The following GLYCTK variants were observed in gnomAD, a reference collection of about 807,000 sequenced individuals.
The protein encoded by GLYCTK is HBeAg binding protein 4.
Under a neutral mutation model 24.8 loss-of-function variants are expected in GLYCTK, and 22 were observed. The ratio of observed to expected loss-of-function variants is 0.89; its 90% CI spans 0.63 to 1.27. GLYCTK has a LOEUF of 1.27. GLYCTK is among the 50% of genes most tolerant of loss of function. The pLI, the probability that GLYCTK is intolerant of heterozygous loss-of-function variation, is 0.00. For missense variants in GLYCTK, 684 were observed against 686.7 expected, an observed-to-expected ratio of 1.00 and a Z score of 0.04; for synonymous variants, 320 against 297.2, an observed-to-expected ratio of 1.08 and a Z score of -0.79.
At chr3:52,291,663 T>C (rs1700473271) in intron 3 of GLYCTK, 84 bp from the exon 4 acceptor site, 1 of 1,332,636 alleles carries the variant, frequency 7.5e-7, no homozygotes. Context: ...GCCCCCTTTT[T>C]CTAATGTGGG....
At position 52,294,144 on chromosome 3, in the gene GLYCTK, G is replaced by C. The variant is rs1490872529; in HGVS notation, c.*1018G>C. 1 of 531,370 alleles carries C rather than the reference G, an allele frequency of 1.9e-6. No individual in the cohort carries two copies. The highest frequency in any genetic ancestry group is 3.9e-6 in the Non-Finnish European group (1 of 258,970). The allele number at this position is 531,370 out of a possible 1,614,324, so 32.9% of individuals were successfully genotyped here. A position where few individuals can be genotyped will look rare whatever the true frequency, so the allele number is the denominator to read the frequency against. Reference sequence around the variant, plus strand: ...GCTGTGTTGGCCTGGCCAGCAGCCTGGGTTGAGAGAGGGAGGTGCCACTGT... The same window carrying C: ...GCTGTGTTGGCCTGGCCAGCAGCCTCGGTTGAGAGAGGGAGGTGCCACTGT... On this transcript the variant is annotated 3_prime_UTR_variant, in exon 5 of 5. Coordinates refer to ENST00000436784, the MANE Select transcript of GLYCTK (RefSeq NM_145262.4).
chr3:52,287,962 T>A (rs1700336455), intron 1 of GLYCTK, 86 bp downstream of exon 1: 1 of 378,128 alleles, frequency 2.6e-6, no homozygotes, highest in Non-Finnish European at 5.5e-6. Context: ...AGCAGGCCCT[T>A]CTTTCTCGCA....
intron 3 of GLYCTK, 155 bp from the exon 4 acceptor site, chr3:52,291,592 G>T (rs560403089): frequency 7.2e-6 from 5 of 690,330 alleles, no homozygotes; most frequent in Admixed American, 5.4e-5. Context: ...AGGTGGCCAG[G>T]ATGTGGTGAC....
chr3:52,291,030 G>A lies in GLYCTK; in HGVS notation c.448G>A (p.Asp150Asn), dbSNP rs746478621. 8.7e-6 allele frequency: 14 copies of A among 1,613,824 alleles called. No individual in the cohort carries two copies. Among genetic ancestry groups the A allele is most frequent in the East Asian group, 2.2e-5 (1 of 44,880 alleles). ...EGAEDNLPDR[D>N]ALRAALAIQQ... ...TGCGGAGGACAACCTCCCGGACCGC[G>A]ATGCGCTGCGGGCTGCACTGGCCAT... is the stretch of plus-strand genomic sequence containing the variant. Residue 150 changes from aspartate (D) to asparagine (N), a missense_variant, in exon 3 of 5, where the codon GAT becomes AAT. Transcript: ENST00000436784.
At chr3:52,291,639 A>G (rs1185492287) in intron 3 of GLYCTK, 108 bp from the exon 4 acceptor site, 1 of 1,077,406 alleles carries the variant, frequency 9.3e-7, no homozygotes, top group Non-Finnish European at 1.4e-6. Flanking sequence ...GGGCACCCTA[A>G]CCCCACCTTT....
Position 52,292,837 on chromosome 3 carries a change from T to A in GLYCTK, c.1283T>A (p.Leu428Gln), listed in dbSNP as rs571734469. 1 of 1,613,688 alleles carries A rather than the reference T, an allele frequency of 6.2e-7. No individual in the cohort carries two copies. Among genetic ancestry groups the A allele is most frequent in the Non-Finnish European group, 8.5e-7 (1 of 1,179,906 alleles). The change falls in exon 5 of 5, where the codon CTG (leucine) becomes CAG (glutamine). Residue 428 changes from leucine to glutamine, a missense_variant. Physicochemically the swap from Leu to Gln is moderately radical, Grantham distance 113. Transcript: ENST00000436784. Reference sequence around the variant, plus strand: ...GGTGGCCGGAACCAGGAACTGGCCCTGCGTGTTGGAGCAGAGTTGAGAAGG... The same window carrying A: ...GGTGGCCGGAACCAGGAACTGGCCCAGCGTGTTGGAGCAGAGTTGAGAAGG... ...GRGGRNQELA[L>Q]RVGAELRRWP...
intron 1 of GLYCTK, among the ~76,000 whole-genome samples, chr3:52,289,609 A>G (rs930859515): frequency 1.3e-5 from 2 of 152,220 alleles, no homozygotes; most frequent in Non-Finnish European, 2.9e-5. Flanking sequence ...AGGTTCCACC[A>G]TGAGCCAGAC....
At position 52,290,665 on chromosome 3, in the gene GLYCTK, G is replaced by A; in HGVS notation, c.323G>A (p.Gly108Asp). 1 of 1,613,682 alleles carries A rather than the reference G, an allele frequency of 6.2e-7. No homozygotes were observed. The highest frequency in any genetic ancestry group is 8.5e-7 in the Non-Finnish European group (1 of 1,179,958). Residue 108 changes from glycine (G) to aspartate (D), a missense_variant, in exon 2 of 5, where the codon GGC (glycine) becomes GAC (aspartate). Transcript: ENST00000436784. ...EELLGQHLVQ[G>D]VISVPKGIRA... is the part of the protein sequence containing the mutation. Reference sequence around the variant, plus strand: ...CTACTGGGCCAGCATCTTGTGCAGGGCGTGATCAGCGTTCCCAAGGGGATC... The same window carrying A: ...CTACTGGGCCAGCATCTTGTGCAGGACGTGATCAGCGTTCCCAAGGGGATC...
chr3:52,291,739 C>G lies in GLYCTK; in HGVS notation c.530-8C>G, dbSNP rs984179357. Reference sequence around the variant, plus strand: ...CCCCTCTACCTGATACCCTCATTGTCTTGAGAGGTGGGGGTTCAGCTCTGC... The same window carrying G: ...CCCCTCTACCTGATACCCTCATTGTGTTGAGAGGTGGGGGTTCAGCTCTGC... On this transcript the variant is annotated splice_region_variant and splice_polypyrimidine_tract_variant and intron_variant, in intron 3 of 4. Transcript: ENST00000436784. The G allele has an allele frequency of 1.2e-6, 2 of 1,613,268 alleles. No individual in the cohort carries two copies. The highest frequency in any genetic ancestry group is 1.7e-6 in the Non-Finnish European group (2 of 1,179,850).
intron 4 of GLYCTK, 24 bp from the exon 5 acceptor site, chr3:52,292,236 C>G: frequency 6.2e-7 from 1 of 1,613,476 alleles, no homozygotes; most frequent in East Asian, 2.2e-5. Flanking sequence ...TGGGCCTGAG[C>G]CTTGTCTGGT....
At position 52,290,559 on chromosome 3, in the gene GLYCTK, C is replaced by T. The variant is rs779301460; in HGVS notation, c.217C>T (p.Arg73Trp). ...PGGRQLKVRD[R>W]NFQLRQNLYL... ...TGGCAGACAGCTGAAGGTGCGGGACCGGAACTTTCAGCTGAGGCAAAACCT... is the reference window on the plus strand; with the variant it reads ...TGGCAGACAGCTGAAGGTGCGGGACTGGAACTTTCAGCTGAGGCAAAACCT... The change falls in exon 2 of 5, where the codon CGG (arginine) becomes TGG (tryptophan). Residue 73 changes from arginine (R) to tryptophan (W), a missense_variant. Arg to Trp is a moderately radical substitution (Grantham distance 101, BLOSUM62 -3). Coordinates refer to ENST00000436784, the MANE Select transcript of GLYCTK (RefSeq NM_145262.4). 44 of 1,613,646 alleles carry T rather than the reference C, an allele frequency of 2.7e-5. No homozygotes were observed. The highest frequency in any genetic ancestry group is 4.0e-5 in the African/African-American group (3 of 74,932).
rs1194536781 is a variant in GLYCTK at position 52,294,736 on chromosome 3, C to G, written c.*1610C>G. 6.7e-6 allele frequency: 3 copies of G among 447,496 alleles called. No homozygotes were observed. The highest frequency in any genetic ancestry group is 4.7e-5 in the Admixed American group (2 of 42,358). 27.7% of individuals were successfully genotyped at this position (447,496 alleles called of 1,614,324 possible). The stretch of plus-strand genomic sequence containing the variant: ...GCCTGTTCCTGCCTCAGTCCTTGCT[C>G]TTGGGAGCATGAGTATTGGCACTGG... On this transcript the variant is annotated 3_prime_UTR_variant, in exon 5 of 5. Transcript: ENST00000436784.
Position 52,293,236 on chromosome 3 carries a change from C to G in GLYCTK, c.*110C>G, listed in dbSNP as rs1189531719. The G allele has an allele frequency of 3.6e-6, 4 of 1,096,018 alleles. No individual in the cohort carries two copies. The highest frequency in any genetic ancestry group is 5.4e-6 in the Non-Finnish European group (4 of 736,970). 67.9% of individuals were successfully genotyped at this position (1,096,018 alleles called of 1,614,324 possible). On this transcript the variant is annotated 3_prime_UTR_variant, in exon 5 of 5. Transcript: ENST00000436784. ...TCTAAGCCTTAGGGCCCCTCCTCTC[C>G]TTGGCCTTGGCTGTTTGGTTAACTG...
Position 52,292,407 on chromosome 3 carries a change from A to T in GLYCTK, c.853A>T (p.Lys285Ter), listed in dbSNP as rs1700505486. 2 of 1,613,724 alleles carry T rather than the reference A, an allele frequency of 1.2e-6. No homozygotes were observed. Among genetic ancestry groups the T allele is most frequent in the Admixed American group, 3.3e-5 (2 of 59,998 alleles). Residue 285 changes from lysine to a stop codon, truncating the protein, a stop_gained, in exon 5 of 5, where the codon AAG becomes TAG. Transcript: ENST00000436784. LOFTEE classifies it low-confidence loss of function (END_TRUNC). ...GLRAALPRSV[K>*]TVLSRADSDP... ...CCGTGCAGCCCTGCCACGTTCTGTG[A>T]AGACTGTGCTGTCTCGGGCCGACTC... is the stretch of plus-strand genomic sequence containing the variant.
rs1009842982 is a variant in GLYCTK, at chr3:52,294,737, T to A, written c.*1611T>A. 1.3e-5 allele frequency: 6 copies of A among 447,682 alleles called. No individual in the cohort carries two copies. The highest frequency in any genetic ancestry group is 2.7e-5 in the Non-Finnish European group (6 of 222,214). The allele number at this position is 447,682 out of a possible 1,614,324, so 27.7% of individuals were successfully genotyped here. A position where few individuals can be genotyped will look rare whatever the true frequency, so the allele number is the denominator to read the frequency against. On this transcript the variant is annotated 3_prime_UTR_variant, in exon 5 of 5. Transcript: ENST00000436784. ...CCTGTTCCTGCCTCAGTCCTTGCTC[T>A]TGGGAGCATGAGTATTGGCACTGGG...
In GLYCTK at chr3:52,293,672, C is replaced by G. The variant is rs1325139317; in HGVS notation, c.*546C>G. On this transcript the variant is annotated 3_prime_UTR_variant, in exon 5 of 5. Coordinates refer to ENST00000436784, the MANE Select transcript of GLYCTK (RefSeq NM_145262.4). ...TGGAGTGTGTGAGGGTTGAGCTTGG[C>G]TCCTGACAGCTTTGATGTGCGTGAG... 4.4e-6 allele frequency: 2 copies of G among 454,220 alleles called. No homozygotes were observed. Among genetic ancestry groups the G allele is most frequent in the Admixed American group, 4.7e-5 (2 of 42,576 alleles). The allele number at this position is 454,220 out of a possible 1,614,324, so 28.1% of individuals were successfully genotyped here.
In GLYCTK at chr3:52,287,862, C is replaced by T. The variant is rs1050895040; in HGVS notation, c.-54C>T. On this transcript the variant is annotated 5_prime_UTR_variant, in exon 1 of 5. Transcript: ENST00000436784. ...GTTCTCCAGCGCTGGGCACCGCGGC[C>T]GGAGCTGTGGGCTGGTAAGTCTGCG... is the stretch of plus-strand genomic sequence containing the variant. 4.4e-6 allele frequency: 2 copies of T among 452,526 alleles called. No homozygotes were observed. The highest frequency in any genetic ancestry group is 3.1e-5 in the South Asian group (2 of 64,412). The allele number at this position is 452,526 out of a possible 1,614,324, so 28.0% of individuals were successfully genotyped here. A position where few individuals can be genotyped will look rare whatever the true frequency, so the allele number is the denominator to read the frequency against.
Position 52,292,390 on chromosome 3 carries a change from C to T in GLYCTK, c.836C>T (p.Ala279Val), listed in dbSNP as rs1234351098. The T allele has an allele frequency of 2.5e-6, 4 of 1,613,824 alleles. No individual in the cohort carries two copies. The highest frequency in any genetic ancestry group is 1.7e-6 in the Non-Finnish European group (2 of 1,180,016). ...CTCAATCGCTACGGCCTCCGTGCAG[C>T]CCTGCCACGTTCTGTGAAGACTGTG... ...HILNRYGLRAALPRSVKTVLS... is the reference protein window; with the variant it reads ...HILNRYGLRAVLPRSVKTVLS... The change falls in exon 5 of 5, where the codon GCC (alanine) becomes GTC (valine). Residue 279 changes from alanine to valine, a missense_variant. Transcript: ENST00000436784.
At chr3:52,290,895 T>G in intron 2 of GLYCTK, 65 bp from the exon 3 acceptor site, 1 of 1,604,566 alleles carries the variant, frequency 6.2e-7, no homozygotes, top group Non-Finnish European at 8.5e-7. Context: ...CCTGTAAAGT[T>G]GAGAGATCAG....
Sources: allele counts gnomAD v4.1 joint callset (sites outside exome capture counted in the v4.1 genomes callset), GRCh38; gene constraint gnomAD v4.1.1; transcripts MANE v1.5; gene names NCBI Gene and HGNC (gene_info 2026-07-23, HGNC 2026-07-21).